The following SLC44A3 variants were observed in gnomAD, a reference collection of about 807,000 sequenced individuals.
SLC44A3 encodes choline transporter-like protein 3.
SLC44A3 carries 74 observed loss-of-function variants against 75.4 expected under a neutral mutation model. That is an observed-to-expected ratio of 0.98 (90% CI 0.81 to 1.19). The LOEUF (loss-of-function observed/expected upper bound fraction) is 1.19, where lower values mean the gene tolerates loss of function less well. SLC44A3 is among the 50% of genes most tolerant of loss of function. The pLI is 0.00. For missense variants in SLC44A3, 700 were observed against 778.6 expected, an observed-to-expected ratio of 0.90 and a Z score of 1.20; for synonymous variants, 310 against 296.9, an observed-to-expected ratio of 1.04 and a Z score of -0.45.
chr1:94,888,729 C>A (rs1468235409), intron 12 of SLC44A3: 2 of 904,350 alleles, frequency 2.2e-6, no homozygotes, highest in Non-Finnish European at 2.5e-6. Flanking sequence ...TGGTTTCCAG[C>A]CTTTTGTCTT....
chr1:94,874,628 C>T (rs951445627), intron 12 of SLC44A3, among the ~76,000 whole-genome samples: 2 of 152,228 alleles, frequency 1.3e-5, no homozygotes, highest in African/African-American at 2.4e-5. Flanking sequence ...CAAATGACTT[C>T]GACTTCCTCC....
At chr1:94,888,886 C>T (rs1003009185) in intron 12 of SLC44A3, among the ~76,000 whole-genome samples, 16 of 132,154 alleles carry the variant, frequency 1.2e-4, no homozygotes, top group South Asian at 7.4e-4. Context: ...TGTGCCACCA[C>T]GACTGGCTAT....
Position 94,892,522 on chromosome 1 carries a change from G to A in SLC44A3, c.1857+5G>A, listed in dbSNP as rs770014858. ...TTTATGGATCAAGAATTTCTGGTAA[G>A]CAAACATTTCATTTCCAATTGCAAT... On this transcript the variant is annotated splice_donor_5th_base_variant and intron_variant, in intron 14 of 14. Transcript: ENST00000271227. 6.8e-6 allele frequency: 11 copies of A among 1,612,710 alleles called. No individual in the cohort carries two copies. In the South Asian group the frequency reaches 1.2e-4, roughly 18 times the overall value.
chr1:94,864,411 C>T (rs556672441), intron 10 of SLC44A3, among the ~76,000 whole-genome samples: 1 of 152,142 alleles, frequency 6.6e-6, no homozygotes, highest in African/African-American at 2.4e-5. Context: ...GGAGATTGTG[C>T]CGCAATTAAA....
chr1:94,886,253 C>G (rs1557889926), intron 12 of SLC44A3, among the ~76,000 whole-genome samples: 1 of 152,160 alleles, frequency 6.6e-6, no homozygotes, highest in Non-Finnish European at 1.5e-5. Context: ...CGTGGCTCAG[C>G]AGAAGATGGT....
intron 3 of SLC44A3, among the ~76,000 whole-genome samples, chr1:94,826,300 G>T (rs930988589): frequency 9.2e-5 from 14 of 152,172 alleles, no homozygotes; most frequent in Admixed American, 2.0e-4. Context: ...TTCTGTGAAT[G>T]GATGGTGGTG....
Position 94,892,371 on chromosome 1 carries a change from G to A in SLC44A3, c.1711G>A (p.Val571Ile). Residue 571 changes from valine to isoleucine, a missense_variant, in exon 14 of 15, where the codon GTA (valine) becomes ATA (isoleucine). Transcript: ENST00000271227. ...GGTGTGGGCAGTCCCTCTGTTATTG[G>A]TAGCTTTTTTTGCCTACTTAGTAGC... ...FQVWAVPLLL[V>I]AFFAYLVAHS... 2 of 1,614,124 alleles carry A rather than the reference G, an allele frequency of 1.2e-6. No homozygotes were observed. The highest frequency in any genetic ancestry group is 2.2e-5 in the South Asian group (2 of 91,080).
At chr1:94,835,226 G>A (rs777436158) in intron 5 of SLC44A3, among the ~76,000 whole-genome samples, 1 of 152,184 alleles carries the variant, frequency 6.6e-6, no homozygotes, top group Non-Finnish European at 1.5e-5. Flanking sequence ...GAGGTGGGAG[G>A]ATGGCTTGAG....
At chr1:94,843,080 C>G (rs1171336931) in intron 8 of SLC44A3, 1 of 152,410 alleles carries the variant, frequency 6.6e-6, no homozygotes, top group Non-Finnish European at 1.5e-5. Flanking sequence ...AAGGGCTTCC[C>G]CATTCCCCAG....
chr1:94,888,608 A>T, intron 12 of SLC44A3: 1 of 951,354 alleles, frequency 1.1e-6, no homozygotes, highest in Non-Finnish European at 1.3e-6. Context: ...CATTCTATGT[A>T]AGTCCAAAAC....
At chr1:94,824,246 G>A (rs964782957) in intron 2 of SLC44A3, among the ~76,000 whole-genome samples, 2 of 152,160 alleles carry the variant, frequency 1.3e-5, no homozygotes, top group African/African-American at 4.8e-5. Flanking sequence ...AAGCACAGAG[G>A]TAAGAAAATG....
At chr1:94,820,668 G>C in intron 1 of SLC44A3, 190 bp downstream of exon 1, 1 of 1,382,366 alleles carries the variant, frequency 7.2e-7, no homozygotes, top group Non-Finnish European at 9.3e-7. Context: ...GGCGGAGGCG[G>C]GGGAGACGCG....
At chr1:94,822,169 C>T (rs1422777837) in intron 2 of SLC44A3, among the ~76,000 whole-genome samples, 1 of 152,156 alleles carries the variant, frequency 6.6e-6, no homozygotes, top group African/African-American at 2.4e-5. Context: ...AATGATCTGC[C>T]GTAGCCCCTC....
intron 12 of SLC44A3, among the ~76,000 whole-genome samples, chr1:94,884,634 C>T (rs1048992357): frequency 1.3e-5 from 2 of 152,148 alleles, no homozygotes; most frequent in African/African-American, 4.8e-5. Context: ...TTGGCAAATA[C>T]CTTCCCTCCA....
At chr1:94,887,200 C>T (rs7550014) in intron 12 of SLC44A3, among the ~76,000 whole-genome samples, 39,190 of 151,888 alleles carry the variant, frequency 0.26, 6,146 homozygotes, top group East Asian at 0.49. Flanking sequence ...CAAGGACTTA[C>T]GATGAAAATG....
chr1:94,825,729 A>G, intron 3 of SLC44A3: 1 of 397,094 alleles, frequency 2.5e-6, no homozygotes, highest in Admixed American at 3.1e-5. Context: ...ACCAAATACA[A>G]ATCTCAGACT....
At chr1:94,839,209 C>T (rs770245343) in intron 6 of SLC44A3, among the ~76,000 whole-genome samples, 1 of 152,074 alleles carries the variant, frequency 6.6e-6, no homozygotes, top group Non-Finnish European at 1.5e-5. Flanking sequence ...ATTTTAAAGA[C>T]ATTATTAATC....
In SLC44A3 at chr1:94,842,027, A is replaced by T. The variant is rs780413694; in HGVS notation, c.788A>T (p.Tyr263Phe). Residue 263 changes from tyrosine (Y) to phenylalanine (F), a missense_variant, in exon 8 of 15, where the codon TAT becomes TTT. By Grantham distance (22) the Tyr-to-Phe change is conservative (BLOSUM62 3). Coordinates refer to ENST00000271227, the MANE Select transcript of SLC44A3 (RefSeq NM_001114106.3). ...GTCTGCGGTGTTTTATGGTGGCTGT[A>T]TTATGACTATACCAACGACCTCAGC... ...LFVCGVLWWL[Y>F]YDYTNDLSIE... 19 of 1,613,204 alleles carry T rather than the reference A, an allele frequency of 1.2e-5. No individual in the cohort carries two copies. The South Asian group carries it at 2.1e-4, about 18-fold the overall frequency.
At chr1:94,893,441 C>T (rs184058908) in intron 14 of SLC44A3, among the ~76,000 whole-genome samples, 28 of 152,014 alleles carry the variant, frequency 1.8e-4, no homozygotes, top group East Asian at 5.8e-4. Flanking sequence ...AGTGCAATGG[C>T]GCAATCTCAG....
Sources: allele counts gnomAD v4.1 joint callset (sites outside exome capture counted in the v4.1 genomes callset), GRCh38; gene constraint gnomAD v4.1.1; transcripts MANE v1.5; gene names NCBI Gene and HGNC (gene_info 2026-07-23, HGNC 2026-07-21).